The following LCOR variants were observed in gnomAD, a reference collection of about 807,000 sequenced individuals.
LCOR encodes the protein ligand-dependent corepressor.
Under a neutral mutation model 64.4 loss-of-function variants are expected in LCOR, and 14 were observed. That is an observed-to-expected ratio of 0.22 (90% confidence interval 0.14 to 0.34). The LOEUF is 0.34. LCOR is among the 10% of genes least tolerant of loss of function. The pLI is 1.00. For missense variants in LCOR, 1,686 were observed against 1,765.3 expected (o/e 0.96, Z 0.80); for synonymous variants, 643 against 642.5 (o/e 1.00, Z -0.01).
intron 2 of LCOR, among the ~76,000 whole-genome samples, chr10:96,840,533 C>G (rs1002730479): frequency 6.6e-6 from 1 of 152,102 alleles, no homozygotes; most frequent in African/African-American, 2.4e-5. Flanking sequence ...TTTAGACTAA[C>G]GTTTCAAATT....
chr10:96,838,355 C>CA (rs1845482119), intron 2 of LCOR, among the ~76,000 whole-genome samples: 1 of 152,102 alleles, frequency 6.6e-6, no homozygotes, highest in Non-Finnish European at 1.5e-5. Flanking sequence ...CTCCTGGGCT[C>CA]AAGTGATCCT....
chr10:96,918,117 A>G (rs1402215767), intron 4 of LCOR, among the ~76,000 whole-genome samples: 1 of 152,246 alleles, frequency 6.6e-6, no homozygotes, highest in Non-Finnish European at 1.5e-5. Context: ...GGAGTAAAGC[A>G]CAAAATACTG....
chr10:96,973,545 A>G (rs1329125294), intron 7 of LCOR, among the ~76,000 whole-genome samples: 1 of 152,224 alleles, frequency 6.6e-6, no homozygotes, highest in African/African-American at 2.4e-5. Flanking sequence ...TGAGTAAACT[A>G]GGGGACACAA....
chr10:96,923,604 T>C (rs904681253), intron 4 of LCOR, among the ~76,000 whole-genome samples: 3 of 152,248 alleles, frequency 2.0e-5, no homozygotes, highest in Admixed American at 6.5e-5. Flanking sequence ...GTGACAGATA[T>C]TAGAGCTACA....
rs967498716 is a variant in LCOR at position 96,983,169 on chromosome 10, C to T, written c.2709C>T (p.Gly903=). 5.6e-6 allele frequency: 9 copies of T among 1,613,894 alleles called. No homozygotes were observed. Among genetic ancestry groups the T allele is most frequent in the Middle Eastern group, 1.6e-4 (1 of 6,084 alleles). The part of the protein sequence containing the change: ...SEKDAEQEGE[G]GGIITRQTLK... ...AAGATGCTGAGCAGGAGGGCGAAGG[C>T]GGGGGGATCATCACCAGGCAGACTT... is the stretch of plus-strand genomic sequence containing the variant. Residue 903 remains glycine (G), a synonymous_variant, in exon 8 of 8, where the codon GGC becomes GGT. Transcript: ENST00000421806. The surrounding 1 kb of genome is among the most constrained non-coding windows in gnomAD (Gnocchi z 4.5).
rs1222346197 is a variant in LCOR, at chr10:96,984,081, A to T, written c.3621A>T (p.Pro1207=). The T allele has an allele frequency of 5.6e-6, 9 of 1,613,998 alleles. No homozygotes were observed. Among genetic ancestry groups the T allele is most frequent in the Non-Finnish European group, 7.6e-6 (9 of 1,179,996 alleles). ...TGAAGAAGCTCAATACTCGCCTTCC[A>T]GGAGACGTTCCCCCTGTCAAGCATC... is the stretch of plus-strand genomic sequence containing the variant. ...VIVKKLNTRL[P]GDVPPVKHPL... Residue 1207 remains proline, a synonymous_variant, in exon 8 of 8, where the codon CCA becomes CCT. Coordinates refer to ENST00000421806, the MANE Select transcript of LCOR (RefSeq NM_001346516.2).
chr10:96,883,013 C>G (rs1846287862), intron 2 of LCOR, among the ~76,000 whole-genome samples: 1 of 152,094 alleles, frequency 6.6e-6, no homozygotes, highest in Admixed American at 6.6e-5. Flanking sequence ...AATAAAGCCA[C>G]TATAAAATTT....
At chr10:96,903,398 GT>G (rs1182908841) in intron 2 of LCOR, among the ~76,000 whole-genome samples, 1 of 151,960 alleles carries the variant, frequency 6.6e-6, no homozygotes, top group African/African-American at 2.4e-5. Flanking sequence ...CTAAAACATC[GT>G]TGTGTGGCAT....
chr10:96,834,993 C>T (rs1845417440), intron 2 of LCOR, among the ~76,000 whole-genome samples: 1 of 152,158 alleles, frequency 6.6e-6, no homozygotes, highest in South Asian at 2.1e-4. Flanking sequence ...CTCCGCCTCC[C>T]AGGTTCAAGC....
At chr10:96,856,761 GCCACTGTGC>G (rs1199119335) in intron 2 of LCOR, among the ~76,000 whole-genome samples, 2 of 151,882 alleles carry the variant, frequency 1.3e-5, no homozygotes, top group Non-Finnish European at 2.9e-5. Context: ...ACAGGTGTGA[GCCACTGTGC>G]CCAGCTAATA....
rs1280442225 is a variant in LCOR at position 96,920,708 on chromosome 10, G to GTATATA, written c.-184+12962_-184+12963insATATAT. On this transcript the variant is annotated intron_variant, in intron 4 of 7. Transcript: ENST00000421806. ...TATGTGTATATATGTTCATATATGT[G>GTATATA]TGTATATATGTATATATGTTCATAT... is the stretch of plus-strand genomic sequence containing the variant. Among the ~76,000 whole-genome samples the GTATATA allele has an allele frequency of 3.5e-5, 5 of 141,036 alleles. 1 individual carries two copies. Among genetic ancestry groups the GTATATA allele is most frequent in the African/African-American group, 1.4e-4 (5 of 36,228 alleles). 92.5% of individuals were successfully genotyped at this position (141,036 alleles called of 152,430 possible). A position where few individuals can be genotyped will look rare whatever the true frequency, so the allele number is the denominator to read the frequency against.
rs1482151092 is a variant in LCOR, at chr10:96,983,807, C to G, written c.3347C>G (p.Ala1116Gly). 2.5e-6 allele frequency: 4 copies of G among 1,614,034 alleles called. No homozygotes were observed. In the South Asian group the frequency reaches 3.3e-5, roughly 13 times the overall value. Residue 1116 changes from alanine (A) to glycine (G), a missense_variant, in exon 8 of 8, where the codon GCC becomes GGC. Ala to Gly is a moderately conservative substitution (Grantham distance 60). This residue lies in a region of LCOR where 1,293 missense variants were observed against 1,410.4 expected (regional missense o/e 0.92). Coordinates refer to ENST00000421806, the MANE Select transcript of LCOR (RefSeq NM_001346516.2). The surrounding 1 kb of genome is among the most constrained non-coding windows in gnomAD (Gnocchi z 4.5). ...CAAGAGCTCATCGCCAACTTCAATG[C>G]CCAGTACATGAAAGTTCAGAAGGGC... ...ENQELIANFN[A>G]QYMKVQKGWI... is the part of the protein sequence containing the mutation.
At chr10:96,975,386 C>G (rs765260939) in intron 7 of LCOR, among the ~76,000 whole-genome samples, 1 of 152,052 alleles carries the variant, frequency 6.6e-6, no homozygotes, top group Non-Finnish European at 1.5e-5. Flanking sequence ...GTGGGCTCAT[C>G]ATGCCTATGT....
intron 5 of LCOR, 80 bp from the exon 6 acceptor site, chr10:96,948,928 A>G: frequency 1.8e-6 from 2 of 1,086,570 alleles, no homozygotes; most frequent in Non-Finnish European, 2.6e-6. Flanking sequence ...GAAAAATAAA[A>G]TGAAATTTTA....
At chr10:96,938,237 G>T (rs1016290124) in intron 4 of LCOR, among the ~76,000 whole-genome samples, 1 of 144,470 alleles carries the variant, frequency 6.9e-6, no homozygotes, top group South Asian at 2.1e-4. Context: ...ATGAGCCGCT[G>T]TACCTGGCTG....
rs1017937962 is a variant in LCOR, at chr10:96,995,231, G to A, written c.*10097G>A. 6.6e-5 allele frequency: 10 copies of A among 152,288 alleles called. No homozygotes were observed. In the East Asian group the frequency reaches 1.9e-3, roughly 29 times the overall value. The allele number at this position is 152,288 out of a possible 1,614,324, so 9.4% of individuals were successfully genotyped here. A position where few individuals can be genotyped will look rare whatever the true frequency, so the allele number is the denominator to read the frequency against. On this transcript the variant is annotated 3_prime_UTR_variant, in exon 8 of 8. Coordinates refer to ENST00000421806, the MANE Select transcript of LCOR (RefSeq NM_001346516.2). The surrounding 1 kb of genome is among the most constrained non-coding windows in gnomAD (Gnocchi z 4.2). ...CATTGCTGAGGTCGATCTCGTAGTT[G>A]TTCAGTTGTGCTCTTTTTGCTGTCT...
In LCOR at chr10:96,844,095, C is replaced by A. The variant is rs7910762; in HGVS notation, c.-330+10616C>A. Among the ~76,000 whole-genome samples, 334 of 99,508 alleles carry A rather than the reference C, an allele frequency of 3.4e-3. 1 individual carries two copies. Among genetic ancestry groups the A allele is most frequent in the African/African-American group, 0.019 (319 of 16,820 alleles). The allele number at this position is 99,508 out of a possible 152,430, so 65.3% of individuals were successfully genotyped here. ...TTTAACCTACCTACCTTCCCACCCT[C>A]CCTCCCTCCCTTCCTTCCCCCCTCC... On this transcript the variant is annotated intron_variant, in intron 2 of 7. Coordinates refer to ENST00000421806, the MANE Select transcript of LCOR (RefSeq NM_001346516.2).
intron 5 of LCOR, among the ~76,000 whole-genome samples, chr10:96,947,386 T>TCTA (rs1564634674): frequency 1.3e-5 from 2 of 152,242 alleles, no homozygotes; most frequent in East Asian, 3.9e-4. Flanking sequence ...AATTGCCTGT[T>TCTA]CTTAGGAGTC....
intron 2 of LCOR, among the ~76,000 whole-genome samples, chr10:96,834,123 TC>T (rs551905718): frequency 2.6e-5 from 4 of 152,238 alleles, no homozygotes; most frequent in Non-Finnish European, 5.9e-5. Context: ...TATACGCCTT[TC>T]CATTTCTACA....
Sources: allele counts gnomAD v4.1 joint callset (sites outside exome capture counted in the v4.1 genomes callset), GRCh38; gene constraint gnomAD v4.1.1; regional missense constraint gnomAD v4.1.1; non-coding constraint Gnocchi (gnomAD v3.1); transcripts MANE v1.5; gene names NCBI Gene and HGNC (gene_info 2026-07-23, HGNC 2026-07-21).